Variants in NTN5 observed in about 807,000 individuals in gnomAD.
NTN5 encodes netrin 5.
In NTN5, 42 loss-of-function variants were observed where a neutral mutation model predicts 38.7. The ratio of observed to expected loss-of-function variants is 1.08; its 90% CI spans 0.85 to 1.40. NTN5 has a LOEUF of 1.40. Ranked by LOEUF, NTN5 falls within the 40% of genes most tolerant of loss-of-function variation. The probability of loss-of-function intolerance (pLI) is 0.00; values close to 1 mark genes in which losing one functional copy is unlikely to be tolerated. For missense variants in NTN5, 658 were observed against 716.5 expected, an observed-to-expected ratio of 0.92 and a Z score of 0.93; for synonymous variants, 329 against 303.9, an observed-to-expected ratio of 1.08 and a Z score of -0.86.
At chr19:48,669,567 TCAC>T (rs2031846668) in intron 2 of NTN5, among the ~76,000 whole-genome samples, 1 of 2,558 alleles carries the variant, frequency 3.9e-4, no homozygotes. Context: ...ACCACCACCA[TCAC>T]CACCATCACC....
In NTN5 at chr19:48,662,020, G is replaced by T. The variant is rs1193332160; in HGVS notation, c.1127C>A (p.Ala376Glu). 2 of 1,483,104 alleles carry T rather than the reference G, an allele frequency of 1.3e-6. No homozygotes were observed. Among genetic ancestry groups the T allele is most frequent in the Admixed American group, 2.3e-5 (1 of 42,678 alleles). 91.9% of individuals were successfully genotyped at this position (1,483,104 alleles called of 1,614,324 possible). A position where few individuals can be genotyped will look rare whatever the true frequency, so the allele number is the denominator to read the frequency against. Residue 376 changes from alanine to glutamate, a missense_variant, in exon 7 of 7, where the codon GCG (alanine) becomes GAG (glutamate). Coordinates refer to ENST00000270235, the MANE Select transcript of NTN5 (RefSeq NM_145807.4). Reference sequence around the variant, plus strand: ...CCATGCCGGGCCCGCCGCCTCGGACGCTAGCACCTGCGCGCGGAGAACTGT... The same window carrying T: ...CCATGCCGGGCCCGCCGCCTCGGACTCTAGCACCTGCGCGCGGAGAACTGT... ...QDHVLRAQVLASEAAGPAWQR... is the reference protein window; with the variant it reads ...QDHVLRAQVLESEAAGPAWQR...
intron 2 of NTN5, among the ~76,000 whole-genome samples, chr19:48,669,522 CCACCAT>C (rs2031839097): frequency 1.5e-5 from 1 of 68,224 alleles, no homozygotes; most frequent in Admixed American, 1.3e-4. Flanking sequence ...ATCACCACCA[CCACCAT>C]CACCACCACC....
At chr19:48,664,881 G>T in intron 2 of NTN5, 114 bp from the exon 3 acceptor site, 1 of 839,672 alleles carries the variant, frequency 1.2e-6, no homozygotes, top group Non-Finnish European at 1.7e-6. Flanking sequence ...GTCCAAGGTA[G>T]AAGAGAATGC....
intron 6 of NTN5, chr19:48,663,168 C>G (rs2031593829): frequency 5.6e-6 from 3 of 536,974 alleles, no homozygotes; most frequent in Non-Finnish European, 1.1e-5. Flanking sequence ...TTCCACTCAA[C>G]CAGTTCCCCT....
intron 2 of NTN5, among the ~76,000 whole-genome samples, chr19:48,668,950 T>TCATCATCACCACTATCACCAC (rs2031775675): frequency 7.0e-6 from 1 of 143,820 alleles, no homozygotes; most frequent in Non-Finnish European, 1.5e-5. Context: ...ACCACCACCA[T>TCATCATCACCACTATCACCAC]CATCATCACC....
intron 2 of NTN5, among the ~76,000 whole-genome samples, chr19:48,669,715 TCAC>T (rs1160000937): frequency 5.5e-4 from 22 of 40,184 alleles, no homozygotes; most frequent in East Asian, 1.2e-3. Flanking sequence ...ATCACCACCA[TCAC>T]CACCACCACC....
intron 1 of NTN5, among the ~76,000 whole-genome samples, chr19:48,672,135 G>T (rs944200542): frequency 2.6e-5 from 4 of 152,196 alleles, no homozygotes; most frequent in African/African-American, 9.6e-5. Flanking sequence ...GCAGATGGGG[G>T]AACAGATGTT....
Position 48,663,716 on chromosome 19 carries a change from C to T in NTN5, c.1024+45G>A, listed in dbSNP as rs201999244. 864 of 1,594,288 alleles carry T rather than the reference C, an allele frequency of 5.4e-4. 2 individuals carry two copies. Among genetic ancestry groups the T allele is most frequent in the Non-Finnish European group, 6.9e-4 (797 of 1,162,174 alleles). ...TCTGGGGACCCAGTCAGCCCATCCTCATTCCCACTTGCCACTCAGGGACCT... is the reference window on the plus strand; with the variant it reads ...TCTGGGGACCCAGTCAGCCCATCCTTATTCCCACTTGCCACTCAGGGACCT... On this transcript the variant is annotated intron_variant, in intron 5 of 6. Transcript: ENST00000270235.
Position 48,670,932 on chromosome 19 carries a change from A to G in NTN5, c.55T>C (p.Cys19Arg). 1 of 1,588,662 alleles carries G rather than the reference A, an allele frequency of 6.3e-7. No individual in the cohort carries two copies. The highest frequency in any genetic ancestry group is 8.6e-7 in the Non-Finnish European group (1 of 1,166,512). Residue 19 changes from cysteine to arginine, a missense_variant, in exon 2 of 7, where the codon TGC (cysteine) becomes CGC (arginine). Cys to Arg is a radical substitution (Grantham distance 180, BLOSUM62 -3). Transcript: ENST00000270235. ...LLLGQATADP[C>R]YDPQGRPQFC... ...TGGGGGCGGCCCTGTGGATCGTAGCATGGGTCCGCAGTGGCCTGGCCCAGG... is the reference window on the plus strand; with the variant it reads ...TGGGGGCGGCCCTGTGGATCGTAGCGTGGGTCCGCAGTGGCCTGGCCCAGG...
intron 2 of NTN5, among the ~76,000 whole-genome samples, chr19:48,669,632 A>ATCATCACCATCACCACCACC (rs1568452330): frequency 2.7e-5 from 1 of 36,742 alleles, no homozygotes; most frequent in African/African-American, 1.6e-4. Context: ...CACCACCACC[A>ATCATCACCATCACCACCACC]GTCATCACCA....
chr19:48,668,772 T>C (rs1004744168), intron 2 of NTN5, among the ~76,000 whole-genome samples: 1 of 152,140 alleles, frequency 6.6e-6, no homozygotes, highest in African/African-American at 2.4e-5. Flanking sequence ...AGGTGACTGA[T>C]AAATATGTGT....
chr19:48,666,502 C>T (rs1255896073), intron 2 of NTN5, among the ~76,000 whole-genome samples: 1 of 151,658 alleles, frequency 6.6e-6, no homozygotes, highest in African/African-American at 2.4e-5. Context: ...CACCACTGCA[C>T]TCCAGCCTGG....
intron 1 of NTN5, among the ~76,000 whole-genome samples, chr19:48,672,148 G>A (rs750644131): frequency 4.6e-5 from 7 of 152,182 alleles, no homozygotes; most frequent in Non-Finnish European, 1.0e-4. Flanking sequence ...CAGATGTTGG[G>A]GGCGGTGGGT....
intron 1 of NTN5, among the ~76,000 whole-genome samples, 175 bp downstream of exon 1, chr19:48,672,757 G>A (rs970439183): frequency 6.6e-6 from 1 of 152,164 alleles, no homozygotes; most frequent in Non-Finnish European, 1.5e-5. Flanking sequence ...GAAACCAGTC[G>A]TGGCCCACAG....
In NTN5 at chr19:48,670,758, A is replaced by G. The variant is rs1347304654; in HGVS notation, c.229T>C (p.Ser77Pro). 2 of 1,613,022 alleles carry G rather than the reference A, an allele frequency of 1.2e-6. No individual in the cohort carries two copies. The highest frequency in any genetic ancestry group is 1.7e-5 in the Admixed American group (1 of 60,004). The change falls in exon 2 of 7, where the codon TCT (serine) becomes CCT (proline). Residue 77 changes from serine to proline, a missense_variant. Ser to Pro is a moderately conservative substitution (Grantham distance 74). Transcript: ENST00000270235. ...LALGGPFLLT[S>P]VSLRFCTPGP... ...GGGGTACAGAAGCGCAAGCTGACAG[A>G]TGTCAGGAGGAAGGGGCCACCCAGG...
chr19:48,670,532 C>A lies in NTN5; in HGVS notation c.455G>T (p.Gly152Val). The A allele has an allele frequency of 2.0e-6, 3 of 1,497,584 alleles. No homozygotes were observed. Among genetic ancestry groups the A allele is most frequent in the Non-Finnish European group, 2.7e-6 (3 of 1,120,882 alleles). The allele number at this position is 1,497,584 out of a possible 1,614,324, so 92.8% of individuals were successfully genotyped here. A position where few individuals can be genotyped will look rare whatever the true frequency, so the allele number is the denominator to read the frequency against. Residue 152 changes from glycine to valine, a missense_variant, in exon 2 of 7, where the codon GGG becomes GTG. Gly to Val is a moderately radical substitution (Grantham distance 109). Coordinates refer to ENST00000270235, the MANE Select transcript of NTN5 (RefSeq NM_145807.4). ...FGGQAGLAAAGLRGRCQCHGH... is the reference protein window; with the variant it reads ...FGGQAGLAAAVLRGRCQCHGH... ...ATGACACTGGCAGCGGCCTCTCAGCCCAGCTGCCGCTAGCCCGGCCTGGCC... is the reference window on the plus strand; with the variant it reads ...ATGACACTGGCAGCGGCCTCTCAGCACAGCTGCCGCTAGCCCGGCCTGGCC...
rs1343537463 is a variant in NTN5, at chr19:48,664,802, C to G, written c.632-35G>C. The G allele has an allele frequency of 4.7e-6, 7 of 1,485,628 alleles. No individual in the cohort carries two copies. In the East Asian group the frequency reaches 1.6e-4, roughly 34 times the overall value. The allele number at this position is 1,485,628 out of a possible 1,614,324, so 92.0% of individuals were successfully genotyped here. A position where few individuals can be genotyped will look rare whatever the true frequency, so the allele number is the denominator to read the frequency against. On this transcript the variant is annotated intron_variant, in intron 2 of 6. Transcript: ENST00000270235. The stretch of plus-strand genomic sequence containing the variant: ...AAATGGGGTGGGGGCGCATCAGGGC[C>G]GAGTGTGCTGCTCCCCAGTCCTCAG...
chr19:48,663,667 C>T (rs2031609874), intron 5 of NTN5, 94 bp downstream of exon 5: 1 of 1,507,672 alleles, frequency 6.6e-7, no homozygotes, highest in Middle Eastern at 1.9e-4. Flanking sequence ...GGACTGGGCT[C>T]AATGGGTGAC....
chr19:48,664,243 G>T lies in NTN5; in HGVS notation c.870C>A (p.Thr290=). ...CTAACTTGCAGGTGCACTGCCCACT[G>T]GTCTGGTTGCAGGTTCCTCCTGTTG... ...IGATGGTCNQ[T]SGQCTCKLGV... is the part of the protein sequence containing the mutation. Residue 290 remains threonine, a synonymous_variant, in exon 4 of 7, where the codon ACC becomes ACA. Coordinates refer to ENST00000270235, the MANE Select transcript of NTN5 (RefSeq NM_145807.4). 1 of 1,612,944 alleles carries T rather than the reference G, an allele frequency of 6.2e-7. No homozygotes were observed. The highest frequency in any genetic ancestry group is 1.7e-5 in the Admixed American group (1 of 59,804).
Sources: gnomAD v4.1 joint callset for allele counts (sites outside exome capture counted in the v4.1 genomes callset) on GRCh38, gnomAD v4.1.1 for gene constraint, MANE v1.5 for transcripts, NCBI Gene and HGNC (gene_info 2026-07-23, HGNC 2026-07-21) for gene names.